Variants in B4GALNT3 observed in about 807,000 individuals in gnomAD.
B4GALNT3 encodes the protein beta-1,4-N-acetyl-galactosaminyltransferase 3.
A neutral mutation model predicts 120.2 loss-of-function variants in B4GALNT3; 86 were observed. That is an observed-to-expected ratio of 0.72 (90% CI 0.60 to 0.86). The LOEUF is 0.86. Ranked by LOEUF, B4GALNT3 falls within the 40% of genes least tolerant of loss-of-function variation. The probability of loss-of-function intolerance (pLI) is 0.00; values close to 1 mark genes in which losing one functional copy is unlikely to be tolerated. For synonymous variants in B4GALNT3, 518 were observed against 510.4 expected, an observed-to-expected ratio of 1.01 and a Z score of -0.20; for missense variants, 1,167 against 1,298.9, an observed-to-expected ratio of 0.90 and a Z score of 1.56.
rs146457035 is a variant in B4GALNT3 at position 472,694 on chromosome 12, C to T, written c.169+12149C>T. ...CCTCATGATCCGCTGGCCTTGGCCT[C>T]GCAAAGTGCTGGGATTACAGGCGTG... is the stretch of plus-strand genomic sequence containing the variant. On this transcript the variant is annotated intron_variant, in intron 1 of 19. Coordinates refer to ENST00000266383, the MANE Select transcript of B4GALNT3 (RefSeq NM_173593.4). Among the ~76,000 whole-genome samples, 1,017 of 152,334 alleles carry T rather than the reference C, an allele frequency of 6.7e-3. 12 individuals are homozygous for T. Among genetic ancestry groups the T allele is most frequent in the African/African-American group, 0.023 (974 of 41,576 alleles).
chr12:476,017 C>T (rs1485183867), intron 1 of B4GALNT3, among the ~76,000 whole-genome samples: 2 of 152,222 alleles, frequency 1.3e-5, no homozygotes, highest in Non-Finnish European at 2.9e-5. Context: ...AGGCCATCTG[C>T]TGCTGTCTTT....
intron 1 of B4GALNT3, among the ~76,000 whole-genome samples, chr12:468,541 A>G (rs1946104765): frequency 6.6e-6 from 1 of 152,200 alleles, no homozygotes; most frequent in African/African-American, 2.4e-5. Flanking sequence ...CATCCTTGAC[A>G]CTACCGAGAG....
chr12:549,870 G>A lies in B4GALNT3; in HGVS notation c.955G>A (p.Ala319Thr), dbSNP rs746908602. 28 of 1,613,484 alleles carry A rather than the reference G, an allele frequency of 1.7e-5. No individual in the cohort carries two copies. Among genetic ancestry groups the A allele is most frequent in the Admixed American group, 5.0e-5 (3 of 60,002 alleles). Residue 319 changes from alanine to threonine, a missense_variant, in exon 10 of 20, where the codon GCT (alanine) becomes ACT (threonine). Physicochemically the swap from Ala to Thr is moderately conservative, Grantham distance 58. Transcript: ENST00000266383. ...NALPRDEQPP[A>T]DMLRPDPRDT... ...TCTTCCCAGGGATGAGCAGCCGCCCGCTGACATGCTTCGGCCTGACCCCCG... is the reference window on the plus strand; with the variant it reads ...TCTTCCCAGGGATGAGCAGCCGCCCACTGACATGCTTCGGCCTGACCCCCG...
In B4GALNT3 at chr12:486,781, A is replaced by G. The variant is rs531197327; in HGVS notation, c.169+26236A>G. Reference sequence around the variant, plus strand: ...TTTCATAATTTGTTTTACTCAGCACATCACTTTCAACAAAAAGTTACGAGG... The same window carrying G: ...TTTCATAATTTGTTTTACTCAGCACGTCACTTTCAACAAAAAGTTACGAGG... On this transcript the variant is annotated intron_variant, in intron 1 of 19. Transcript: ENST00000266383. Among the ~76,000 whole-genome samples the G allele has an allele frequency of 1.0e-3, 153 of 152,162 alleles. 1 individual carries two copies. The highest frequency in any genetic ancestry group is 3.5e-3 in the African/African-American group (146 of 41,478).
intron 1 of B4GALNT3, among the ~76,000 whole-genome samples, chr12:511,354 C>CCTT (rs1946553321): frequency 7.5e-6 from 1 of 133,184 alleles, no homozygotes. Flanking sequence ...CCACCTTCCA[C>CCTT]CTTCCACCTT....
At chr12:511,451 A>T (rs12300033) in intron 1 of B4GALNT3, among the ~76,000 whole-genome samples, 1 of 37,832 alleles carries the variant, frequency 2.6e-5, no homozygotes, top group Non-Finnish European at 4.4e-5. Flanking sequence ...TCCACCTTCC[A>T]CCTTCTTCCA....
rs1946965494 is a variant in B4GALNT3 at position 544,430 on chromosome 12, CCCATGTGAGTGCCT to C, written c.444_447+10del. 1 of 1,613,552 alleles carries C rather than the reference CCCATGTGAGTGCCT, an allele frequency of 6.2e-7. No individual in the cohort carries two copies. On this transcript the variant is annotated splice_donor_variant and splice_donor_5th_base_variant and coding_sequence_variant and intron_variant, in exon 4 of 20. Transcript: ENST00000266383. LOFTEE classifies it high-confidence loss of function. The stretch of plus-strand genomic sequence containing the variant: ...AGGAACCTGCATTTCCCACTGTACC[CCCATGTGAGTGCCT>C]GAGGGCTGCCTTGCCCACCTCCCTC...
At chr12:478,834 A>G (rs542425637) in intron 1 of B4GALNT3, among the ~76,000 whole-genome samples, 23 of 152,244 alleles carry the variant, frequency 1.5e-4, no homozygotes, top group Non-Finnish European at 4.4e-5. Context: ...GGGAAGTCAC[A>G]GCTGTGGTTA....
intron 1 of B4GALNT3, among the ~76,000 whole-genome samples, chr12:514,111 G>A (rs1021984630): frequency 2.6e-5 from 4 of 152,052 alleles, no homozygotes; most frequent in African/African-American, 7.2e-5. Flanking sequence ...TTTCCAAATC[G>A]GCTACACCAT....
intron 1 of B4GALNT3, among the ~76,000 whole-genome samples, chr12:526,663 T>C (rs1184080413): frequency 6.6e-6 from 1 of 152,030 alleles, no homozygotes; most frequent in African/African-American, 2.4e-5. Context: ...CCTTAAATGT[T>C]ATAGGTGTTT....
chr12:519,649 C>T (rs924082864), intron 1 of B4GALNT3, among the ~76,000 whole-genome samples: 3 of 146,118 alleles, frequency 2.1e-5, no homozygotes, highest in African/African-American at 7.6e-5. Flanking sequence ...CCATCCCAAG[C>T]AGTTTTTATC....
At chr12:509,082 T>C (rs1323490006) in intron 1 of B4GALNT3, among the ~76,000 whole-genome samples, 2 of 152,214 alleles carry the variant, frequency 1.3e-5, no homozygotes, top group Non-Finnish European at 2.9e-5. Context: ...CAACACTGCT[T>C]TCCCCATCAC....
intron 1 of B4GALNT3, among the ~76,000 whole-genome samples, chr12:528,630 G>A (rs1377816584): frequency 6.6e-6 from 1 of 152,092 alleles, no homozygotes; most frequent in Non-Finnish European, 1.5e-5. Context: ...CAGGTGGCAG[G>A]CCCCTGGCTT....
At chr12:518,448 C>G (rs559484068) in intron 1 of B4GALNT3, among the ~76,000 whole-genome samples, 5 of 152,344 alleles carry the variant, frequency 3.3e-5, no homozygotes, top group Admixed American at 6.5e-5. Flanking sequence ...GGGTCTCACT[C>G]TGTTCCCCAG....
At chr12:476,953 G>T (rs1259374436) in intron 1 of B4GALNT3, among the ~76,000 whole-genome samples, 1 of 152,194 alleles carries the variant, frequency 6.6e-6, no homozygotes, top group Non-Finnish European at 1.5e-5. Flanking sequence ...GAGCTCAGCT[G>T]CAGCCTCAGA....
At chr12:520,366 G>A (rs1843099241) in intron 1 of B4GALNT3, among the ~76,000 whole-genome samples, 1 of 152,152 alleles carries the variant, frequency 6.6e-6, no homozygotes, top group African/African-American at 2.4e-5. Flanking sequence ...TAACTGGCCT[G>A]GTTTTCCAGG....
At chr12:557,949 G>A in intron 16 of B4GALNT3, 67 bp from the exon 17 acceptor site, 2 of 1,565,056 alleles carry the variant, frequency 1.3e-6, no homozygotes, top group South Asian at 1.1e-5. Context: ...TTCTATGCCT[G>A]CCAACTTCCT....
chr12:561,087 A>G (rs941853309), intron 19 of B4GALNT3, among the ~76,000 whole-genome samples: 6 of 152,242 alleles, frequency 3.9e-5, no homozygotes, highest in South Asian at 2.1e-4. Flanking sequence ...TATATCACAC[A>G]TTATCCTCTC....
At chr12:531,628 G>A (rs577749954) in intron 1 of B4GALNT3, among the ~76,000 whole-genome samples, 73 of 152,102 alleles carry the variant, frequency 4.8e-4, no homozygotes, top group African/African-American at 1.8e-3. Context: ...CCAGCCTGGG[G>A]GATCCTGTCT....
Sources: gnomAD v4.1 joint callset for allele counts (sites outside exome capture counted in the v4.1 genomes callset) on GRCh38, gnomAD v4.1.1 for gene constraint, MANE v1.5 for transcripts, NCBI Gene and HGNC (gene_info 2026-07-23, HGNC 2026-07-21) for gene names.